The following LSAMP variants were observed in gnomAD, a reference collection of about 807,000 sequenced individuals.
The protein encoded by LSAMP is limbic system associated membrane protein, also known as limbic system-associated membrane protein.
Under a neutral mutation model 38.6 loss-of-function variants are expected in LSAMP, and 7 were observed. The ratio of observed to expected loss-of-function variants is 0.18; its 90% CI spans 0.10 to 0.34. The LOEUF is 0.34. Ranked by LOEUF, LSAMP falls within the 10% of genes least tolerant of loss-of-function variation. The pLI, the probability that LSAMP is intolerant of heterozygous loss-of-function variation, is 1.00. For missense variants in LSAMP, 313 were observed against 420.0 expected, an observed-to-expected ratio of 0.75 and a Z score of 2.23; for synonymous variants, 154 against 166.8, an observed-to-expected ratio of 0.92 and a Z score of 0.59.
chr3:116,111,239 A>G (rs1428900662), intron 1 of LSAMP, among the ~76,000 whole-genome samples: 7 of 152,210 alleles, frequency 4.6e-5, no homozygotes, highest in Admixed American at 3.9e-4. Flanking sequence ...GTCACTGTCA[A>G]TAGAAACAGT....
intron 1 of LSAMP, among the ~76,000 whole-genome samples, chr3:116,171,172 T>G (rs561881825): frequency 6.6e-6 from 1 of 152,302 alleles, no homozygotes; most frequent in South Asian, 2.1e-4. Context: ...ATTGTTGTGA[T>G]GATTACATGG....
At chr3:116,232,971 C>G (rs920969008) in intron 1 of LSAMP, among the ~76,000 whole-genome samples, 4 of 151,992 alleles carry the variant, frequency 2.6e-5, no homozygotes, top group African/African-American at 9.7e-5. Flanking sequence ...CAACCCCAAC[C>G]AGCCTTTCTC....
At chr3:116,432,880 G>C (rs2049299618) in intron 1 of LSAMP, among the ~76,000 whole-genome samples, 1 of 152,126 alleles carries the variant, frequency 6.6e-6, no homozygotes, top group African/African-American at 2.4e-5. Context: ...AAAAGAGATA[G>C]AACAGAGGTC....
chr3:115,985,895 C>T (rs1186248460), intron 3 of LSAMP, among the ~76,000 whole-genome samples: 1 of 152,188 alleles, frequency 6.6e-6, no homozygotes, highest in Non-Finnish European at 1.5e-5. Context: ...AGCTAAACTG[C>T]TCCTGGCTTT....
intron 1 of LSAMP, among the ~76,000 whole-genome samples, chr3:116,270,952 C>T (rs958986978): frequency 2.0e-5 from 3 of 152,112 alleles, no homozygotes; most frequent in East Asian, 3.9e-4. Flanking sequence ...TCAATTACTT[C>T]GTATGTAAAA....
intron 3 of LSAMP, among the ~76,000 whole-genome samples, chr3:115,986,554 C>T (rs905689033): frequency 2.6e-5 from 4 of 152,162 alleles, no homozygotes; most frequent in East Asian, 1.9e-4. Flanking sequence ...TGGGCCACCA[C>T]GAGAAGAATG....
intron 4 of LSAMP, among the ~76,000 whole-genome samples, chr3:115,845,226 A>C (rs113514135): frequency 2.5e-3 from 384 of 152,252 alleles, no homozygotes; most frequent in African/African-American, 8.9e-3. Flanking sequence ...TCCAGTCCTC[A>C]TTTCTTCTCA....
chr3:115,924,120 C>T (rs548951133), intron 3 of LSAMP, among the ~76,000 whole-genome samples: 7 of 152,158 alleles, frequency 4.6e-5, no homozygotes, highest in African/African-American at 1.7e-4. Flanking sequence ...AGCAAAGATA[C>T]TAAAGTTTTG....
intron 1 of LSAMP, among the ~76,000 whole-genome samples, chr3:116,214,499 CTT>C (rs59630662): frequency 0.015 from 1,593 of 103,154 alleles, 15 homozygotes; most frequent in African/African-American, 0.045. Flanking sequence ...AAAAATGGGT[CTT>C]TTTTTTTTTT....
chr3:115,941,883 G>T (rs145655129), intron 3 of LSAMP, among the ~76,000 whole-genome samples: 5 of 152,066 alleles, frequency 3.3e-5, no homozygotes, highest in African/African-American at 7.2e-5. Context: ...ACAACTTGGT[G>T]GTGATAGATA....
chr3:116,302,553 A>G (rs1576494092), intron 1 of LSAMP, among the ~76,000 whole-genome samples: 1 of 152,262 alleles, frequency 6.6e-6, no homozygotes, highest in East Asian at 1.9e-4. Context: ...GAGGTAGTTC[A>G]TAACTTTTTG....
rs187332122 is a variant in LSAMP at position 115,964,300 on chromosome 3, C to A, written c.514+55215G>T. Among the ~76,000 whole-genome samples, 653 of 152,180 alleles carry A rather than the reference C, an allele frequency of 4.3e-3. 5 individuals are homozygous for A. The highest frequency in any genetic ancestry group is 0.015 in the African/African-American group (610 of 41,530). ...AATCTCACATATCAACTAGAGTAAG[C>A]TTTGGGCATGATGATTAATCAATTA... On this transcript the variant is annotated intron_variant, in intron 3 of 6. Coordinates refer to ENST00000490035, the MANE Select transcript of LSAMP (RefSeq NM_002338.5).
At chr3:116,421,927 T>G (rs1479220873) in intron 1 of LSAMP, among the ~76,000 whole-genome samples, 1 of 152,196 alleles carries the variant, frequency 6.6e-6, no homozygotes, top group Admixed American at 6.5e-5. Flanking sequence ...CAATCCTCAG[T>G]ACCTATGGAA....
chr3:115,943,185 G>A (rs1937985545), intron 3 of LSAMP, among the ~76,000 whole-genome samples: 1 of 152,164 alleles, frequency 6.6e-6, no homozygotes, highest in East Asian at 1.9e-4. Flanking sequence ...GAGCTAGTTA[G>A]GCAGCAGCAC....
chr3:116,101,290 T>C (rs149642242), intron 1 of LSAMP, among the ~76,000 whole-genome samples: 1 of 152,368 alleles, frequency 6.6e-6, no homozygotes, highest in Non-Finnish European at 1.5e-5. Context: ...AAACCAGGTA[T>C]CTTATTTCCC....
intron 1 of LSAMP, among the ~76,000 whole-genome samples, chr3:116,241,582 A>G (rs1200007505): frequency 6.6e-6 from 1 of 152,188 alleles, no homozygotes; most frequent in Admixed American, 6.5e-5. Flanking sequence ...AGATAGATAG[A>G]TAGATAATTC....
chr3:116,175,744 G>A (rs1020395676), intron 1 of LSAMP, among the ~76,000 whole-genome samples: 1 of 151,834 alleles, frequency 6.6e-6, no homozygotes, highest in Non-Finnish European at 1.5e-5. Context: ...CAAAGTGAGT[G>A]TCATATGGGT....
intron 1 of LSAMP, among the ~76,000 whole-genome samples, chr3:116,251,090 C>T (rs891631877): frequency 1.3e-5 from 2 of 152,198 alleles, no homozygotes; most frequent in Non-Finnish European, 2.9e-5. Context: ...CTAAGATATG[C>T]TGCCTCCTTG....
intron 1 of LSAMP, among the ~76,000 whole-genome samples, chr3:116,386,901 A>C (rs762663817): frequency 6.6e-6 from 1 of 152,208 alleles, no homozygotes; most frequent in African/African-American, 2.4e-5. Flanking sequence ...GGAGGCTGAA[A>C]CAATGAAGGA....
Sources: gnomAD v4.1 joint callset for allele counts (sites outside exome capture counted in the v4.1 genomes callset) on GRCh38, gnomAD v4.1.1 for gene constraint, MANE v1.5 for transcripts, NCBI Gene and HGNC (gene_info 2026-07-23, HGNC 2026-07-21) for gene names.